The following CACNA1C variants were observed in gnomAD, a reference collection of about 807,000 sequenced individuals.
The protein encoded by CACNA1C is voltage-dependent L-type calcium channel subunit alpha-1C.
Under a neutral mutation model 229.0 loss-of-function variants are expected in CACNA1C, and 30 were observed. The ratio of observed to expected loss-of-function variants is 0.13; its 90% CI spans 0.10 to 0.18. The LOEUF is 0.18. Among genes scored for constraint, CACNA1C ranks in the 10% least tolerant of loss-of-function variants. The probability of loss-of-function intolerance (pLI) is 1.00; values close to 1 mark genes in which losing one functional copy is unlikely to be tolerated. For synonymous variants in CACNA1C, 1,114 were observed against 1,132.5 expected, an observed-to-expected ratio of 0.98 and a Z score of 0.33; for missense variants, 1,658 against 2,845.0, an observed-to-expected ratio of 0.58 and a Z score of 9.49.
intron 39 of CACNA1C, among the ~76,000 whole-genome samples, chr12:2,674,849 C>T (rs550285511): frequency 2.0e-5 from 3 of 152,318 alleles, no homozygotes; most frequent in South Asian, 2.1e-4. Context: ...GCAGGTGCAA[C>T]GCCCTGCACA....
At chr12:2,581,842 T>A in intron 14 of CACNA1C, 45 bp downstream of exon 14, 1 of 1,254,584 alleles carries the variant, frequency 8.0e-7, no homozygotes, top group Non-Finnish European at 1.2e-6. Context: ...GGTGGTTGAG[T>A]GGCGGGGTGG....
Position 2,354,616 on chromosome 12 carries a change from C to T in CACNA1C, c.478-94360C>T, listed in dbSNP as rs114499802. Reference sequence around the variant, plus strand: ...AGTGCGTGCTTCTGGTTGGGAGAGCCCAGGAACGGAGTCCATCCTTTCTCC... The same window carrying T: ...AGTGCGTGCTTCTGGTTGGGAGAGCTCAGGAACGGAGTCCATCCTTTCTCC... On this transcript the variant is annotated intron_variant, in intron 3 of 46. Coordinates refer to ENST00000399655, the MANE Select transcript of CACNA1C (RefSeq NM_000719.7). The surrounding 1 kb of genome is among the most constrained non-coding windows in gnomAD (Gnocchi z 4.6). Among the ~76,000 whole-genome samples the T allele has an allele frequency of 0.043, 6,572 of 152,208 alleles. 457 individuals are homozygous for T. Among genetic ancestry groups the T allele is most frequent in the African/African-American group, 0.15 (6,208 of 41,510 alleles).
chr12:2,451,416 G>T (rs893181203), intron 4 of CACNA1C, among the ~76,000 whole-genome samples: 2 of 152,240 alleles, frequency 1.3e-5, no homozygotes, highest in African/African-American at 4.8e-5. Context: ...GTGGAGGGAT[G>T]AGGGTGACTT....
intron 29 of CACNA1C, among the ~76,000 whole-genome samples, chr12:2,629,511 G>T (rs893139650): frequency 1.3e-5 from 2 of 152,202 alleles, no homozygotes; most frequent in East Asian, 3.9e-4. Context: ...GAGTGCTTTG[G>T]ATGCATGGTC....
chr12:2,158,560 T>C (rs1024794418), intron 3 of CACNA1C, among the ~76,000 whole-genome samples: 2 of 152,054 alleles, frequency 1.3e-5, no homozygotes, highest in African/African-American at 2.4e-5. Flanking sequence ...AGAAGAAATG[T>C]ATTACAAAAG....
chr12:2,527,541 TAAC>T (rs2099821420), intron 9 of CACNA1C, among the ~76,000 whole-genome samples: 1 of 152,174 alleles, frequency 6.6e-6, no homozygotes, highest in Non-Finnish European at 1.5e-5. Flanking sequence ...GTTATTATGT[TAAC>T]AAAATTATCT....
chr12:2,004,671 C>T (rs1445179365), intron 1 of CACNA1C: 1 of 540,630 alleles, frequency 1.8e-6, no homozygotes, highest in African/African-American at 1.9e-5. Flanking sequence ...GGCCTGCCCT[C>T]TGCATCCCGT....
rs1182021543 is a variant in CACNA1C, at chr12:2,633,172, T to C, written c.3829-1125T>C. 6.6e-6 allele frequency among the ~76,000 whole-genome samples: 1 copy of C among 152,208 alleles called. No homozygotes were observed. The highest frequency in any genetic ancestry group is 1.5e-5 in the Non-Finnish European group (1 of 68,028). Reference sequence around the variant, plus strand: ...GCTTCACCCATAGGACCGAGCCCGCTACCCTCTGAGGGGTCACACACCTGT... The same window carrying C: ...GCTTCACCCATAGGACCGAGCCCGCCACCCTCTGAGGGGTCACACACCTGT... On this transcript the variant is annotated intron_variant, in intron 29 of 46. Coordinates refer to ENST00000399655, the MANE Select transcript of CACNA1C (RefSeq NM_000719.7). This position sits in a 1 kb window ranked among gnomAD's most constrained non-coding sequence, Gnocchi z 5.8.
chr12:2,007,362 A>G (rs1288920527), intron 1 of CACNA1C, among the ~76,000 whole-genome samples: 1 of 152,246 alleles, frequency 6.6e-6, no homozygotes, highest in Admixed American at 6.5e-5. Flanking sequence ...ATTAGAGAAG[A>G]CAGGCAATAT....
rs145407372 is a variant in CACNA1C at position 2,149,536 on chromosome 12, C to A, written c.477+29106C>A. On this transcript the variant is annotated intron_variant, in intron 3 of 46. Transcript: ENST00000399655. ...ATTCCCGCTTTAGGAATGCTCATAG[C>A]AGTAGAGAGTGGGCTACTGACTTTT... is the stretch of plus-strand genomic sequence containing the variant. 1.7e-3 allele frequency among the ~76,000 whole-genome samples: 253 copies of A among 152,336 alleles called. 3 individuals are homozygous for A. The highest frequency in any genetic ancestry group is 5.6e-3 in the African/African-American group (234 of 41,578).
chr12:2,059,071 A>G (rs1321312305), intron 1 of CACNA1C, among the ~76,000 whole-genome samples: 2 of 152,134 alleles, frequency 1.3e-5, no homozygotes, highest in Non-Finnish European at 2.9e-5. Flanking sequence ...CCCCTGCCGA[A>G]TTCAGGCAGG....
chr12:2,646,768 AAGAGAG>A lies in CACNA1C; in HGVS notation c.3913-1690_3913-1685del, dbSNP rs59068153. On this transcript the variant is annotated intron_variant, in intron 30 of 46. Coordinates refer to ENST00000399655, the MANE Select transcript of CACNA1C (RefSeq NM_000719.7). The surrounding 1 kb of genome is among the most constrained non-coding windows in gnomAD (Gnocchi z 4.6). Reference sequence around the variant, plus strand: ...TGCCTGTATGAGAGAGAGAGAGAGAAAGAGAGAGAGAGAGAGAGAGAGTGTGTGTGT... The same window carrying A: ...TGCCTGTATGAGAGAGAGAGAGAGAAAGAGAGAGAGAGAGAGTGTGTGTGT... Among the ~76,000 whole-genome samples the A allele has an allele frequency of 0.3, 43,567 of 146,504 alleles. 7,531 individuals carry two copies. Among genetic ancestry groups the A allele is most frequent in the African/African-American group, 0.5 (20,288 of 40,216 alleles).
intron 7 of CACNA1C, among the ~76,000 whole-genome samples, chr12:2,494,948 G>A (rs1293999006): frequency 1.3e-5 from 2 of 152,124 alleles, no homozygotes; most frequent in Admixed American, 6.5e-5. Flanking sequence ...TCATAAATAA[G>A]ATCCAGTCCA....
chr12:2,223,332 G>C (rs1375989096), intron 3 of CACNA1C: 1 of 152,240 alleles, frequency 6.6e-6, no homozygotes, highest in Non-Finnish European at 1.5e-5. Context: ...GGGACTCCCA[G>C]CTCCATTGAG....
At chr12:2,184,385 A>G (rs138140927) in intron 3 of CACNA1C, among the ~76,000 whole-genome samples, 1 of 152,320 alleles carries the variant, frequency 6.6e-6, no homozygotes, top group Non-Finnish European at 1.5e-5. Context: ...ACAGAGGTTC[A>G]CAGCTGCTTC....
upstream of CACNA1C, among the ~76,000 whole-genome samples, chr12:2,050,015 T>C (rs922625092): frequency 6.6e-6 from 1 of 152,234 alleles, no homozygotes; most frequent in Non-Finnish European, 1.5e-5. Flanking sequence ...AGGTAATATT[T>C]ACTTGCTAGA....
intron 21 of CACNA1C, among the ~76,000 whole-genome samples, chr12:2,600,847 T>C (rs898900398): frequency 1.3e-5 from 2 of 152,236 alleles, no homozygotes; most frequent in Non-Finnish European, 1.5e-5. Flanking sequence ...CAGGCTGTAG[T>C]GACAGCTCAC....
In CACNA1C at chr12:2,109,649, C is replaced by T. The variant is rs193273652; in HGVS notation, c.50-5575C>T. 2.6e-4 allele frequency among the ~76,000 whole-genome samples: 40 copies of T among 152,184 alleles called. 1 individual carries two copies. The East Asian group carries it at 7.0e-3, about 27-fold the overall frequency. Reference sequence around the variant, plus strand: ...TAGGGGAATGACAGGGCCCAATTTACGAGTTCTGTTTTTAAAAGGTGACTT... The same window carrying T: ...TAGGGGAATGACAGGGCCCAATTTATGAGTTCTGTTTTTAAAAGGTGACTT... On this transcript the variant is annotated intron_variant, in intron 1 of 46. Coordinates refer to ENST00000399655, the MANE Select transcript of CACNA1C (RefSeq NM_000719.7).
intron 1 of CACNA1C, among the ~76,000 whole-genome samples, chr12:2,061,495 C>T (rs1322604805): frequency 6.6e-6 from 1 of 152,122 alleles, no homozygotes; most frequent in Non-Finnish European, 1.5e-5. Flanking sequence ...TCCAGAGAGT[C>T]TAGGAGCCTG....
Sources: gnomAD v4.1 joint callset for allele counts (sites outside exome capture counted in the v4.1 genomes callset) on GRCh38, gnomAD v4.1.1 for gene constraint, Gnocchi (gnomAD v3.1) non-coding constraint, MANE v1.5 for transcripts, NCBI Gene and HGNC (gene_info 2026-07-23, HGNC 2026-07-21) for gene names.